Variants in FAF1 observed in about 807,000 individuals in gnomAD.
The protein encoded by FAF1 is FAS-associated factor 1.
A neutral mutation model predicts 92.5 loss-of-function variants in FAF1; 25 were observed. That is an observed-to-expected ratio of 0.27 (90% CI 0.20 to 0.38). The LOEUF is 0.38. Ranked by LOEUF, FAF1 falls within the 10% of genes least tolerant of loss-of-function variation. FAF1 has a pLI of 1.00. For synonymous variants in FAF1, 234 were observed against 273.2 expected, an observed-to-expected ratio of 0.86 and a Z score of 1.42; for missense variants, 636 against 793.3, an observed-to-expected ratio of 0.80 and a Z score of 2.38.
At chr1:50,758,250 C>T (rs1288505255) in intron 4 of FAF1, among the ~76,000 whole-genome samples, 6 of 152,188 alleles carry the variant, frequency 3.9e-5, no homozygotes, top group African/African-American at 1.2e-4. Context: ...GACAGGGTTT[C>T]ACCATGTTGG....
intron 8 of FAF1, among the ~76,000 whole-genome samples, chr1:50,618,414 G>T (rs1398222098): frequency 1.9e-4 from 21 of 111,888 alleles, no homozygotes; most frequent in South Asian, 6.2e-4. Flanking sequence ...AGTTTTTAGA[G>T]TTTTTTTTTT....
intron 13 of FAF1, among the ~76,000 whole-genome samples, chr1:50,548,381 A>G (rs1649135112): frequency 6.6e-6 from 1 of 152,208 alleles, no homozygotes; most frequent in Non-Finnish European, 1.5e-5. Context: ...CTCCTAGGAC[A>G]GCTAGTAGAA....
chr1:50,827,492 G>A (rs570084528), intron 2 of FAF1, among the ~76,000 whole-genome samples: 26 of 152,158 alleles, frequency 1.7e-4, no homozygotes, highest in East Asian at 3.9e-4. Flanking sequence ...CAAACACTGC[G>A]GAAGGCCGCA....
Position 50,801,664 on chromosome 1 carries a change from C to G in FAF1, c.128G>C (p.Gly43Ala). Residue 43 changes from glycine to alanine, a missense_variant, in exon 3 of 19, where the codon GGT becomes GCT. Physicochemically the swap from Gly to Ala is moderately conservative, Grantham distance 60 (BLOSUM62 0). Transcript: ENST00000396153. ...AATGCCATTTTCCTGTGGTATTACA[C>G]CATTGATAGCTGCCTGCAAACAAGA... ...NNWDLVAAIN[G>A]VIPQENGILQ... 6.3e-7 allele frequency: 1 copy of G among 1,594,808 alleles called. No individual in the cohort carries two copies. The highest frequency in any genetic ancestry group is 1.1e-5 in the South Asian group (1 of 90,472).
chr1:50,698,178 T>C (rs781570414), intron 7 of FAF1, among the ~76,000 whole-genome samples: 1 of 151,976 alleles, frequency 6.6e-6, no homozygotes, highest in Non-Finnish European at 1.5e-5. Context: ...TTACAGAGGG[T>C]TGGGGAGGAA....
At chr1:50,486,324 T>C (rs926777266) in intron 17 of FAF1, among the ~76,000 whole-genome samples, 6 of 152,198 alleles carry the variant, frequency 3.9e-5, no homozygotes, top group Admixed American at 2.6e-4. Flanking sequence ...CTTTTAGCCA[T>C]AGCTCTAATA....
chr1:50,588,086 A>C lies in FAF1; in HGVS notation c.841-3275T>G, dbSNP rs144257273. On this transcript the variant is annotated intron_variant, in intron 9 of 18. Transcript: ENST00000396153. ...CGGATCACTTAAGGTCAGGAGTTCGAGACCAGCCTGGCCAACATGATGAAA... is the reference window on the plus strand; with the variant it reads ...CGGATCACTTAAGGTCAGGAGTTCGCGACCAGCCTGGCCAACATGATGAAA... Among the ~76,000 whole-genome samples the C allele has an allele frequency of 7.1e-3, 1,088 of 152,290 alleles. 12 individuals carry two copies. The highest frequency in any genetic ancestry group is 0.025 in the African/African-American group (1,056 of 41,548).
At chr1:50,945,341 G>C (rs1420695192) in intron 1 of FAF1, among the ~76,000 whole-genome samples, 1 of 152,178 alleles carries the variant, frequency 6.6e-6, no homozygotes, top group African/African-American at 2.4e-5. Context: ...CTGATAGGAA[G>C]CTGGCTGAAT....
At chr1:50,521,210 C>T (rs1354716734) in intron 15 of FAF1, among the ~76,000 whole-genome samples, 2 of 152,050 alleles carry the variant, frequency 1.3e-5, no homozygotes, top group Non-Finnish European at 2.9e-5. Context: ...TCCCCAGAAA[C>T]AACCAGTAGT....
At chr1:50,650,569 GAGATC>G (rs1189797977) in intron 8 of FAF1, among the ~76,000 whole-genome samples, 1 of 152,060 alleles carries the variant, frequency 6.6e-6, no homozygotes, top group Non-Finnish European at 1.5e-5. Flanking sequence ...GCAGTCAGCT[GAGATC>G]TCACCACCGC....
chr1:50,868,659 G>A lies in FAF1; in HGVS notation c.46-10662C>T, dbSNP rs528082784. ...AGTTTTCCTCATGATCTGTTTTTTG[G>A]CCCATGTGTTGTATTTGGAAGAATG... On this transcript the variant is annotated intron_variant, in intron 1 of 18. Transcript: ENST00000396153. 2.0e-5 allele frequency among the ~76,000 whole-genome samples: 3 copies of A among 151,768 alleles called. No individual in the cohort carries two copies. In the South Asian group the frequency reaches 6.3e-4, roughly 32 times the overall value.
At chr1:50,490,446 A>AGGAG (rs1288557219) in intron 17 of FAF1, 142 bp downstream of exon 17, 56 of 405,466 alleles carry the variant, frequency 1.4e-4, no homozygotes, top group South Asian at 1.3e-3. Flanking sequence ...GAAGGAAGGA[A>AGGAG]GGAAGGAAGG....
intron 7 of FAF1, among the ~76,000 whole-genome samples, chr1:50,675,481 A>C (rs960604741): frequency 6.6e-6 from 1 of 152,258 alleles, no homozygotes; most frequent in Non-Finnish European, 1.5e-5. Flanking sequence ...AAAGAGGCAG[A>C]TGCTGCTCCA....
chr1:50,624,233 C>T (rs1012154627), intron 8 of FAF1, among the ~76,000 whole-genome samples: 2 of 152,048 alleles, frequency 1.3e-5, no homozygotes, highest in Non-Finnish European at 2.9e-5. Context: ...CTGCAACCTT[C>T]ACCTCCTGGG....
At chr1:50,455,477 C>T (rs572478249) in intron 18 of FAF1, among the ~76,000 whole-genome samples, 2 of 152,254 alleles carry the variant, frequency 1.3e-5, no homozygotes, top group Admixed American at 6.5e-5. Context: ...GGGACAGAGA[C>T]ACTGTCATAT....
chr1:50,580,035 T>G (rs908444115), intron 12 of FAF1, among the ~76,000 whole-genome samples: 8 of 152,166 alleles, frequency 5.3e-5, no homozygotes, highest in African/African-American at 1.9e-4. Context: ...GGGTAAAGTA[T>G]GACATCTATA....
At chr1:50,797,069 G>A (rs1206006181) in intron 3 of FAF1, among the ~76,000 whole-genome samples, 1 of 152,114 alleles carries the variant, frequency 6.6e-6, no homozygotes, top group Non-Finnish European at 1.5e-5. Context: ...CAGGGAGGTA[G>A]AGGTTGCAGT....
intron 18 of FAF1, among the ~76,000 whole-genome samples, chr1:50,459,138 A>AT (rs562661457): frequency 5.3e-5 from 8 of 151,298 alleles, no homozygotes; most frequent in South Asian, 2.1e-4. Flanking sequence ...CACCTGGCTA[A>AT]TTTTTTTTTA....
chr1:50,946,890 A>G (rs937574310), intron 1 of FAF1, among the ~76,000 whole-genome samples: 1 of 152,184 alleles, frequency 6.6e-6, no homozygotes, highest in African/African-American at 2.4e-5. Flanking sequence ...ACCTCCCTTC[A>G]CCCAAGAGGG....
Sources: gnomAD v4.1 joint callset for allele counts (sites outside exome capture counted in the v4.1 genomes callset) on GRCh38, gnomAD v4.1.1 for gene constraint, MANE v1.5 for transcripts, NCBI Gene and HGNC (gene_info 2026-07-23, HGNC 2026-07-21) for gene names.